Variants in DACH2 observed in about 807,000 individuals in gnomAD.
DACH2 encodes the protein dachshund family transcription factor 2.
Under a neutral mutation model 35.8 loss-of-function variants are expected in DACH2, and 17 were observed. The observed-to-expected ratio is 0.48, with a 90% CI of 0.33 to 0.71. The LOEUF (loss-of-function observed/expected upper bound fraction) is 0.71, where lower values mean the gene tolerates loss of function less well. Among genes scored for constraint, DACH2 ranks in the 30% least tolerant of loss-of-function variants. The pLI is 0.02. For missense variants in DACH2, 469 were observed against 472.7 expected (o/e 0.99, Z 0.07); for synonymous variants, 195 against 177.3 (o/e 1.10, Z -0.79).
At chrX:86,481,798 C>A (rs181299663) in intron 2 of DACH2, 134 of 112,164 alleles carry the variant, frequency 1.2e-3, no homozygotes, top group African/African-American at 3.8e-3. Context: ...GAATGGATGA[C>A]AGATAATTAT....
chrX:86,510,083 T>C (rs1358975165), intron 2 of DACH2, among the ~76,000 whole-genome samples: 1 of 112,081 alleles, frequency 8.9e-6, no homozygotes, highest in African/African-American at 3.2e-5. Flanking sequence ...ACATAAACTG[T>C]GATTCCTTGC....
At chrX:86,296,509 C>A (rs2034465484) in intron 1 of DACH2, among the ~76,000 whole-genome samples, 1 of 110,424 alleles carries the variant, frequency 9.1e-6, no homozygotes, top group African/African-American at 3.3e-5. Flanking sequence ...TATTAGAGAT[C>A]CCATGTTCAA....
At chrX:86,744,043 G>A (rs912664975) in intron 7 of DACH2, among the ~76,000 whole-genome samples, 1 of 111,301 alleles carries the variant, frequency 9.0e-6, no homozygotes, top group African/African-American at 3.2e-5. Flanking sequence ...AATGGCATTT[G>A]GGACTGTCCC....
intron 1 of DACH2, among the ~76,000 whole-genome samples, chrX:86,367,189 T>C (rs1280948387): frequency 2.0e-5 from 2 of 98,485 alleles, no homozygotes; most frequent in Non-Finnish European, 4.1e-5. Flanking sequence ...TTTATTATAG[T>C]ATAGATTATT....
chrX:86,519,871 T>TTTG (rs200976159), intron 3 of DACH2, among the ~76,000 whole-genome samples: 1 of 107,697 alleles, frequency 9.3e-6, no homozygotes, highest in African/African-American at 3.4e-5. Context: ...CTTTTGAATT[T>TTTG]TTGTTGTTGT....
intron 7 of DACH2, among the ~76,000 whole-genome samples, chrX:86,769,260 A>G (rs2041964218): frequency 8.9e-6 from 1 of 111,937 alleles, no homozygotes; most frequent in East Asian, 2.8e-4. Context: ...AAGGAAAACT[A>G]CAAAACACTG....
At chrX:86,573,201 A>T (rs748315469) in intron 3 of DACH2, among the ~76,000 whole-genome samples, 1 of 110,857 alleles carries the variant, frequency 9.0e-6, no homozygotes, top group East Asian at 2.9e-4. Context: ...AAAGAAGGCA[A>T]GAAATAAGGG....
intron 3 of DACH2, among the ~76,000 whole-genome samples, chrX:86,579,184 C>T (rs1444098446): frequency 1.8e-5 from 2 of 109,865 alleles, no homozygotes; most frequent in Non-Finnish European, 3.8e-5. Flanking sequence ...CCGCCGCCTC[C>T]CAGGTTCAAG....
Position 86,148,896 on chromosome X carries a change from G to T in DACH2, c.276G>T (p.Pro92=), listed in dbSNP as rs1488930004. ...ACGGCCAGGAACTGATCTGCCTGCC[G>T]CAAGTCTTTGATCTTTTTCTCAAGC... The part of the protein sequence containing the change: ...LMDGQELICL[P]QVFDLFLKHL... The change falls in exon 1 of 12, where the codon CCG becomes CCT. Residue 92 remains proline (P), a synonymous_variant. Coordinates refer to ENST00000373125, the MANE Select transcript of DACH2 (RefSeq NM_053281.3). 1.7e-6 allele frequency: 2 copies of T among 1,211,092 alleles called. No individual in the cohort carries two copies. Among genetic ancestry groups the T allele is most frequent in the East Asian group, 3.0e-5 (1 of 33,758 alleles).
At chrX:86,338,471 G>A (rs2035356392) in intron 1 of DACH2, among the ~76,000 whole-genome samples, 1 of 111,219 alleles carries the variant, frequency 9.0e-6, no homozygotes, top group African/African-American at 3.3e-5. Context: ...AAGACTACTG[G>A]GTAAACAACA....
chrX:86,589,263 T>G (rs964575369), intron 3 of DACH2, among the ~76,000 whole-genome samples: 7 of 111,484 alleles, frequency 6.3e-5, no homozygotes, highest in Non-Finnish European at 1.3e-4. Context: ...CTGTATGAAT[T>G]TTTGGGTCTC....
chrX:86,340,490 C>T (rs1009768939), intron 1 of DACH2, among the ~76,000 whole-genome samples: 2 of 110,865 alleles, frequency 1.8e-5, no homozygotes, highest in African/African-American at 6.6e-5. Context: ...CTATCTCTCC[C>T]CCTCTCCTTG....
intron 7 of DACH2, among the ~76,000 whole-genome samples, chrX:86,746,738 T>C (rs938552836): frequency 9.0e-6 from 1 of 111,704 alleles, no homozygotes; most frequent in African/African-American, 3.2e-5. Context: ...TTTACTGTTT[T>C]CGTAGTATCC....
chrX:86,703,512 G>A (rs945075140), intron 5 of DACH2, among the ~76,000 whole-genome samples: 2 of 111,296 alleles, frequency 1.8e-5, no homozygotes, highest in Non-Finnish European at 3.8e-5. Context: ...GATTGTATAC[G>A]TAGAAAACCC....
intron 6 of DACH2, among the ~76,000 whole-genome samples, chrX:86,727,421 T>C (rs1345024537): frequency 1.8e-5 from 2 of 112,194 alleles, no homozygotes; most frequent in Admixed American, 9.4e-5. Context: ...TATTTTGATA[T>C]GTTTAAATTA....
chrX:86,637,664 AG>A (rs1291721886), intron 3 of DACH2, among the ~76,000 whole-genome samples: 3 of 111,563 alleles, frequency 2.7e-5, no homozygotes, highest in African/African-American at 9.8e-5. Context: ...TATAAGTGGG[AG>A]CTAAATGATG....
intron 4 of DACH2, among the ~76,000 whole-genome samples, chrX:86,667,083 TAAAAA>T (rs66948603): frequency 1.3e-4 from 7 of 55,746 alleles, no homozygotes; most frequent in African/African-American, 5.5e-4. Flanking sequence ...CCATCTCTAC[TAAAAA>T]AAAAAAAAAA....
intron 1 of DACH2, among the ~76,000 whole-genome samples, chrX:86,222,331 C>T (rs953818499): frequency 1.1e-4 from 12 of 111,756 alleles, no homozygotes; most frequent in Non-Finnish European, 2.3e-4. Context: ...TAGAAGATGA[C>T]CTGTGCTGTA....
At chrX:86,707,731 A>G (rs1465450322) in intron 5 of DACH2, among the ~76,000 whole-genome samples, 3 of 108,642 alleles carry the variant, frequency 2.8e-5, no homozygotes, top group African/African-American at 6.8e-5. Flanking sequence ...CCTGGCCAAC[A>G]TGCTGAAACC....
Sources: allele counts gnomAD v4.1 joint callset (sites outside exome capture counted in the v4.1 genomes callset), GRCh38; gene constraint gnomAD v4.1.1; transcripts MANE v1.5; gene names NCBI Gene and HGNC (gene_info 2026-07-23, HGNC 2026-07-21).